Variants in SUGCT observed in about 807,000 individuals in gnomAD.
The protein encoded by SUGCT is succinyl-CoA:glutarate-CoA transferase, also known as succinyl-CoA:glutarate CoA-transferase.
Under a neutral mutation model 55.0 loss-of-function variants are expected in SUGCT, and 41 were observed. The ratio of observed to expected loss-of-function variants is 0.74; its 90% CI spans 0.58 to 0.97. The LOEUF (loss-of-function observed/expected upper bound fraction) is 0.97. Among genes scored for constraint, SUGCT ranks in the 50% least tolerant of loss-of-function variants. The pLI, the probability that SUGCT is intolerant of heterozygous loss-of-function variation, is 0.00. For synonymous variants in SUGCT, 187 were observed against 200.4 expected, an observed-to-expected ratio of 0.93 and a Z score of 0.56; for missense variants, 568 against 547.8, an observed-to-expected ratio of 1.04 and a Z score of -0.37.
chr7:40,984,022 G>A, the SUGCT span, among the ~76,000 whole-genome samples: 1 of 152,110 alleles, frequency 6.6e-6, no homozygotes, highest in Non-Finnish European at 1.5e-5. Context: ...GCAGGTAGGC[G>A]AGGGGTAGGG....
chr7:40,541,728 A>G (rs1164350585), intron 12 of SUGCT, among the ~76,000 whole-genome samples: 3 of 152,238 alleles, frequency 2.0e-5, no homozygotes, highest in African/African-American at 7.2e-5. Context: ...TTGGATTGGG[A>G]TTACAAAGGA....
At chr7:40,494,513 G>A (rs913312873) in intron 11 of SUGCT, among the ~76,000 whole-genome samples, 4 of 152,142 alleles carry the variant, frequency 2.6e-5, no homozygotes, top group African/African-American at 9.7e-5. Flanking sequence ...ATATTTAGAA[G>A]TGAAGTATTT....
intron 12 of SUGCT, among the ~76,000 whole-genome samples, chr7:40,643,927 C>A (rs980895195): frequency 1.3e-5 from 2 of 152,158 alleles, no homozygotes; most frequent in South Asian, 4.2e-4. Context: ...AGTTTGCCTG[C>A]GGGCAGGACA....
rs796834998 is a variant in SUGCT at position 40,811,141 on chromosome 7, C to T, written c.1154-49175C>T. 3.9e-5 allele frequency among the ~76,000 whole-genome samples: 6 copies of T among 152,200 alleles called. 1 individual carries two copies. Among genetic ancestry groups the T allele is most frequent in the African/African-American group, 1.4e-4 (6 of 41,526 alleles). On this transcript the variant is annotated intron_variant, in intron 13 of 13. Transcript: ENST00000335693. Reference sequence around the variant, plus strand: ...CTATATTTCTGTTTTTGTACCAATACCATGCTGTTTTTGTTAGTTACTGTA... The same window carrying T: ...CTATATTTCTGTTTTTGTACCAATATCATGCTGTTTTTGTTAGTTACTGTA...
chr7:40,508,501 C>T (rs1562825858), intron 12 of SUGCT, among the ~76,000 whole-genome samples: 1 of 152,274 alleles, frequency 6.6e-6, no homozygotes, highest in East Asian at 1.9e-4. Context: ...CTTATCTTGG[C>T]TGCACCTGCC....
chr7:40,818,486 G>A (rs1791793213), intron 13 of SUGCT, among the ~76,000 whole-genome samples: 1 of 152,332 alleles, frequency 6.6e-6, no homozygotes, highest in Admixed American at 6.5e-5. Context: ...TAAAGAACTG[G>A]TAAGGACTGC....
intron 13 of SUGCT, among the ~76,000 whole-genome samples, chr7:40,777,003 G>A (rs372283193): frequency 1.9e-4 from 29 of 152,290 alleles, no homozygotes; most frequent in African/African-American, 6.3e-4. Flanking sequence ...GCAGTAGAGC[G>A]GTGAAGCATG....
At chr7:40,647,188 A>G (rs558662574) in intron 12 of SUGCT, among the ~76,000 whole-genome samples, 140 of 152,318 alleles carry the variant, frequency 9.2e-4, no homozygotes, top group African/African-American at 3.1e-3. Flanking sequence ...AATCACTATT[A>G]TATCAAGGCA....
At chr7:40,948,775 G>T in the SUGCT span, among the ~76,000 whole-genome samples, 1 of 152,122 alleles carries the variant, frequency 6.6e-6, no homozygotes, top group Non-Finnish European at 1.5e-5. Flanking sequence ...CACTGAAAAG[G>T]ACATGAACTC....
intron 9 of SUGCT, among the ~76,000 whole-genome samples, chr7:40,419,969 C>T (rs1159150784): frequency 6.6e-6 from 1 of 152,126 alleles, no homozygotes; most frequent in African/African-American, 2.4e-5. Context: ...GAAACAGGAA[C>T]CTGGGCTCCA....
chr7:40,425,903 G>A (rs1225287018), intron 9 of SUGCT, among the ~76,000 whole-genome samples: 1 of 152,116 alleles, frequency 6.6e-6, no homozygotes, highest in Non-Finnish European at 1.5e-5. Flanking sequence ...GCTTGGGGAA[G>A]TTGCTTATCT....
At chr7:40,525,959 A>G (rs1033400880) in intron 12 of SUGCT, among the ~76,000 whole-genome samples, 2 of 152,198 alleles carry the variant, frequency 1.3e-5, no homozygotes, top group African/African-American at 4.8e-5. Flanking sequence ...CTCCAAGGCT[A>G]TTAAGTGCAT....
the SUGCT span, among the ~76,000 whole-genome samples, chr7:40,927,594 A>T: frequency 7.9e-5 from 12 of 152,324 alleles, no homozygotes; most frequent in African/African-American, 2.9e-4. Context: ...AGGGGCATAT[A>T]GTCATATCTA....
chr7:40,352,829 T>TG (rs955924558), intron 9 of SUGCT, among the ~76,000 whole-genome samples: 6 of 152,146 alleles, frequency 3.9e-5, no homozygotes, highest in Admixed American at 2.6e-4. Flanking sequence ...GTATTTCTGT[T>TG]TTGTGTTCTT....
At chr7:40,801,007 T>A (rs945474093) in intron 13 of SUGCT, among the ~76,000 whole-genome samples, 2 of 152,274 alleles carry the variant, frequency 1.3e-5, no homozygotes, top group Middle Eastern at 6.8e-3. Flanking sequence ...CCCAGGCACA[T>A]CCTGACACTG....
chr7:40,613,296 T>C (rs1798849289), intron 12 of SUGCT, among the ~76,000 whole-genome samples: 1 of 152,140 alleles, frequency 6.6e-6, no homozygotes, highest in African/African-American at 2.4e-5. Context: ...CTGGAGTCGC[T>C]AAAAGGGGCA....
chr7:40,149,500 A>T (rs1395933251), intron 1 of SUGCT, among the ~76,000 whole-genome samples: 1 of 152,186 alleles, frequency 6.6e-6, no homozygotes, highest in Non-Finnish European at 1.5e-5. Flanking sequence ...TAGAAATTAT[A>T]CTTTAGGGCT....
chr7:40,173,082 T>G (rs1784753660), intron 1 of SUGCT, among the ~76,000 whole-genome samples: 1 of 152,202 alleles, frequency 6.6e-6, no homozygotes, highest in South Asian at 2.1e-4. Context: ...AGTCTTTTAT[T>G]CTTTGACCTG....
chr7:40,976,930 A>G, the SUGCT span, among the ~76,000 whole-genome samples: 123,315 of 152,166 alleles, frequency 0.81, 50,529 homozygotes, highest in Non-Finnish European at 0.87. Context: ...GGTAGAAGGT[A>G]CATAAAATAG....
Sources: allele counts gnomAD v4.1 joint callset (sites outside exome capture counted in the v4.1 genomes callset), GRCh38; gene constraint gnomAD v4.1.1; transcripts MANE v1.5; gene names NCBI Gene and HGNC (gene_info 2026-07-23, HGNC 2026-07-21).